Variants in ARSJ observed in about 807,000 individuals in gnomAD.
The protein encoded by ARSJ is arylsulfatase J.
A neutral mutation model predicts 35.9 loss-of-function variants in ARSJ; 26 were observed. That is an observed-to-expected ratio of 0.72 (90% CI 0.53 to 1.00). The LOEUF (loss-of-function observed/expected upper bound fraction) is 1.00. ARSJ is among the 50% of genes least tolerant of loss of function. ARSJ has a pLI of 0.00. For missense variants in ARSJ, 667 were observed against 723.6 expected, an observed-to-expected ratio of 0.92 and a Z score of 0.90; for synonymous variants, 294 against 267.6, an observed-to-expected ratio of 1.10 and a Z score of -0.96.
intron 1 of ARSJ, among the ~76,000 whole-genome samples, chr4:113,964,506 G>A (rs2149282557): frequency 6.6e-6 from 1 of 152,204 alleles, no homozygotes. Flanking sequence ...TAATAGGGAT[G>A]TTTCTTCCAA....
intron 1 of ARSJ, among the ~76,000 whole-genome samples, chr4:113,958,737 G>A (rs1250567902): frequency 6.6e-6 from 1 of 152,054 alleles, no homozygotes; most frequent in Non-Finnish European, 1.5e-5. Flanking sequence ...AATAGGCTGA[G>A]AAGAGGGTGA....
At chr4:113,937,376 G>A (rs1372601624) in intron 1 of ARSJ, among the ~76,000 whole-genome samples, 1 of 151,944 alleles carries the variant, frequency 6.6e-6, no homozygotes, top group Non-Finnish European at 1.5e-5. Flanking sequence ...AGTAGGTATT[G>A]ATGGAGCATA....
chr4:113,906,631 G>A (rs1319966321), intron 1 of ARSJ: 2 of 416,716 alleles, frequency 4.8e-6, no homozygotes, highest in Non-Finnish European at 9.6e-6. Context: ...TTTGGGGTGT[G>A]GGTTAAGGGT....
chr4:113,978,182 G>A (rs930741843), intron 1 of ARSJ, among the ~76,000 whole-genome samples: 1 of 152,146 alleles, frequency 6.6e-6, no homozygotes, highest in African/African-American at 2.4e-5. Flanking sequence ...GTATTTATAC[G>A]TTCTCATCTC....
chr4:113,929,835 A>T (rs1006402847), intron 1 of ARSJ, among the ~76,000 whole-genome samples: 1 of 152,094 alleles, frequency 6.6e-6, no homozygotes, highest in African/African-American at 2.4e-5. Flanking sequence ...AACCAGCTTC[A>T]TTATGTTCCT....
At chr4:113,958,839 A>G (rs1451566824) in intron 1 of ARSJ, among the ~76,000 whole-genome samples, 1 of 151,990 alleles carries the variant, frequency 6.6e-6, no homozygotes. Flanking sequence ...CTTCAAGCAT[A>G]TGTCTCTCTC....
In ARSJ at chr4:113,903,404, C is replaced by T; in HGVS notation, c.670G>A (p.Glu224Lys). ...TAGTCCCAGGCAGCATTGTCGTTTTCATACAAGTCATAGCCACACATCCCA... is the reference window on the plus strand; with the variant it reads ...TAGTCCCAGGCAGCATTGTCGTTTTTATACAAGTCATAGCCACACATCCCA... ...SPGMCGYDLY[E>K]NDNAAWDYDN... is the part of the protein sequence containing the mutation. Residue 224 changes from glutamate to lysine, a missense_variant, in exon 2 of 2, where the codon GAA becomes AAA. Physicochemically the swap from Glu to Lys is moderately conservative, Grantham distance 56 (BLOSUM62 1). Transcript: ENST00000315366. 9 of 1,614,150 alleles carry T rather than the reference C, an allele frequency of 5.6e-6. No individual in the cohort carries two copies. The highest frequency in any genetic ancestry group is 7.6e-6 in the Non-Finnish European group (9 of 1,180,026).
At chr4:113,921,772 G>A (rs1203041900) in intron 1 of ARSJ, among the ~76,000 whole-genome samples, 1 of 152,104 alleles carries the variant, frequency 6.6e-6, no homozygotes, top group Non-Finnish European at 1.5e-5. Flanking sequence ...TAAAGACTAT[G>A]CCTAGCAGTT....
At chr4:113,925,253 T>A (rs1362153478) in intron 1 of ARSJ, among the ~76,000 whole-genome samples, 2 of 152,040 alleles carry the variant, frequency 1.3e-5, no homozygotes, top group African/African-American at 4.8e-5. Flanking sequence ...AGTCTCCTGG[T>A]GGCAGCATTC....
chr4:113,970,026 G>C (rs990684762), intron 1 of ARSJ, among the ~76,000 whole-genome samples: 12 of 152,188 alleles, frequency 7.9e-5, no homozygotes, highest in African/African-American at 2.7e-4. Flanking sequence ...ATCATTTCTG[G>C]CTAAGGAATC....
At chr4:113,963,357 G>A (rs999108560) in intron 1 of ARSJ, among the ~76,000 whole-genome samples, 1 of 151,986 alleles carries the variant, frequency 6.6e-6, no homozygotes, top group Non-Finnish European at 1.5e-5. Context: ...TGGCTGGGGA[G>A]GCCTCAGGAA....
At chr4:113,972,635 T>C (rs1197745018) in intron 1 of ARSJ, among the ~76,000 whole-genome samples, 1 of 152,092 alleles carries the variant, frequency 6.6e-6, no homozygotes, top group Non-Finnish European at 1.5e-5. Flanking sequence ...TCAGCCTCCC[T>C]AGTATCTGGG....
chr4:113,921,843 G>C (rs1487818780), intron 1 of ARSJ, among the ~76,000 whole-genome samples: 3 of 152,088 alleles, frequency 2.0e-5, no homozygotes, highest in Non-Finnish European at 4.4e-5. Flanking sequence ...GGCAACCTGG[G>C]CACAACAACC....
At position 113,902,706 on chromosome 4, in the gene ARSJ, C is replaced by T. The variant is rs76514597; in HGVS notation, c.1368G>A (p.Leu456=). The T allele has an allele frequency of 6.0e-4, 962 of 1,614,206 alleles. 12 individuals are homozygous for T. The East Asian group carries it at 0.017, about 28-fold the overall frequency. ...CGCTGTAGCCAGGATTTCCTGTAAG[C>T]AATTTCCAGTGCTGCACTCTGATGG... is the stretch of plus-strand genomic sequence containing the variant. ...QSAIRVQHWK[L]LTGNPGYSDW... Residue 456 remains leucine, a synonymous_variant, in exon 2 of 2, where the codon TTG becomes TTA. Transcript: ENST00000315366.
chr4:113,911,721 C>T (rs183574896), intron 1 of ARSJ, among the ~76,000 whole-genome samples: 1 of 151,880 alleles, frequency 6.6e-6, no homozygotes, highest in African/African-American at 2.4e-5. Context: ...TGATTCCTGC[C>T]CTGCATTTAG....
chr4:113,944,666 C>T (rs1473842760), intron 1 of ARSJ, among the ~76,000 whole-genome samples: 2 of 151,960 alleles, frequency 1.3e-5, no homozygotes, highest in Non-Finnish European at 2.9e-5. Context: ...TTATGATTGA[C>T]TAGACTGTTT....
At chr4:113,951,460 G>A (rs1725860214) in intron 1 of ARSJ, among the ~76,000 whole-genome samples, 1 of 152,016 alleles carries the variant, frequency 6.6e-6, no homozygotes, top group African/African-American at 2.4e-5. Flanking sequence ...TCTGGACAGT[G>A]TAAAGTTCAA....
chr4:113,925,942 G>T (rs1038598172), intron 1 of ARSJ, among the ~76,000 whole-genome samples: 1 of 152,138 alleles, frequency 6.6e-6, no homozygotes, highest in Non-Finnish European at 1.5e-5. Context: ...GGTCAGCCTT[G>T]GTGAGTGGAA....
At chr4:113,903,864 T>C (rs1412880092) in intron 1 of ARSJ, among the ~76,000 whole-genome samples, 189 bp from the exon 2 acceptor site, 1 of 152,250 alleles carries the variant, frequency 6.6e-6, no homozygotes, top group Non-Finnish European at 1.5e-5. Context: ...AACTTCCTAT[T>C]TAACATTTGA....
Sources: allele counts gnomAD v4.1 joint callset (sites outside exome capture counted in the v4.1 genomes callset), GRCh38; gene constraint gnomAD v4.1.1; transcripts MANE v1.5; gene names NCBI Gene and HGNC (gene_info 2026-07-23, HGNC 2026-07-21).